The following FAM149B1 variants were observed in gnomAD, a reference collection of about 807,000 sequenced individuals.
The protein encoded by FAM149B1 is primary cilium assembly protein FAM149B1.
FAM149B1 carries 56 observed loss-of-function variants against 75.3 expected under a neutral mutation model. The observed-to-expected ratio is 0.74, with a 90% confidence interval of 0.60 to 0.93. FAM149B1 has a LOEUF of 0.93. FAM149B1 is among the 40% of genes least tolerant of loss of function. The pLI, the probability that FAM149B1 is intolerant of heterozygous loss-of-function variation, is 0.00. For synonymous variants in FAM149B1, 259 were observed against 256.1 expected (o/e 1.01, Z -0.11); for missense variants, 639 against 708.4 (o/e 0.90, Z 1.11).
chr10:73,199,257 G>A (rs958856686), intron 5 of FAM149B1, among the ~76,000 whole-genome samples: 4 of 151,660 alleles, frequency 2.6e-5, no homozygotes, highest in African/African-American at 9.7e-5. Flanking sequence ...TCGCTCTGTC[G>A]CCCAGGCTGG....
chr10:73,215,106 T>C (rs1410031269), intron 7 of FAM149B1, among the ~76,000 whole-genome samples: 3 of 152,042 alleles, frequency 2.0e-5, no homozygotes, highest in African/African-American at 4.8e-5. Context: ...TCTGCGCCTC[T>C]GCCTCCCAGG....
rs1194411624 is a variant in FAM149B1 at position 73,230,420 on chromosome 10, A to C, written c.1024-2A>C. On this transcript the variant is annotated splice_acceptor_variant, in intron 8 of 13. Coordinates refer to ENST00000242505, the MANE Select transcript of FAM149B1 (RefSeq NM_173348.2). LOFTEE classifies it high-confidence loss of function. Reference sequence around the variant, plus strand: ...AGAGTACTGTCTTCTTTCAACACGTAGATGAGTCTCTGTCAAGCAAGCAGA... The same window carrying C: ...AGAGTACTGTCTTCTTTCAACACGTCGATGAGTCTCTGTCAAGCAAGCAGA... The C allele has an allele frequency of 6.6e-7, 1 of 1,508,374 alleles. No individual in the cohort carries two copies. The highest frequency in any genetic ancestry group is 9.0e-7 in the Non-Finnish European group (1 of 1,107,434). 93.4% of individuals were successfully genotyped at this position (1,508,374 alleles called of 1,614,324 possible).
Position 73,228,155 on chromosome 10 carries a change from T to A in FAM149B1, c.994T>A (p.Ser332Thr). 6.4e-7 allele frequency: 1 copy of A among 1,551,556 alleles called. No individual in the cohort carries two copies. Among genetic ancestry groups the A allele is most frequent in the Non-Finnish European group, 8.7e-7 (1 of 1,146,954 alleles). Residue 332 changes from serine to threonine, a missense_variant, in exon 8 of 14, where the codon TCT (serine) becomes ACT (threonine). Physicochemically the swap from Ser to Thr is moderately conservative, Grantham distance 58. Transcript: ENST00000242505. ...HPLVLPRVPQ[S>T]KVLYITSNPM... ...TTTGGTGTTACCGCGAGTGCCACAG[T>A]CTAAGGTGCTGTACATTACCTCAAA...
chr10:73,216,203 A>G (rs1027473169), intron 7 of FAM149B1, among the ~76,000 whole-genome samples: 8 of 152,320 alleles, frequency 5.3e-5, no homozygotes, highest in Admixed American at 1.3e-4. Context: ...TTCATCTGCT[A>G]TAAGTGTAGC....
rs2043895812 is a variant in FAM149B1 at position 73,239,495 on chromosome 10, A to G, written c.1675+111A>G. On this transcript the variant is annotated intron_variant, in intron 13 of 13. Transcript: ENST00000242505. Reference sequence around the variant, plus strand: ...CTTCTTTCAGATTTTCTTGGATTTAATGTTTTCCCACATCTTTGTAAATCA... The same window carrying G: ...CTTCTTTCAGATTTTCTTGGATTTAGTGTTTTCCCACATCTTTGTAAATCA... 5.2e-6 allele frequency: 4 copies of G among 770,690 alleles called. No individual in the cohort carries two copies. In the East Asian group the frequency reaches 1.1e-4, roughly 21 times the overall value. The allele number at this position is 770,690 out of a possible 1,614,324, so 47.7% of individuals were successfully genotyped here. A position where few individuals can be genotyped will look rare whatever the true frequency, so the allele number is the denominator to read the frequency against.
At chr10:73,230,637 T>C (rs1399808192) in intron 9 of FAM149B1, 112 bp downstream of exon 9, 14 of 641,608 alleles carry the variant, frequency 2.2e-5, no homozygotes, top group Admixed American at 7.0e-5. Context: ...CCACAAAAAC[T>C]CCTGGGGAGT....
intron 13 of FAM149B1, among the ~76,000 whole-genome samples, chr10:73,240,017 G>A (rs963175321): frequency 4.6e-5 from 7 of 152,072 alleles, no homozygotes; most frequent in African/African-American, 9.7e-5. Context: ...CTCGAACTCC[G>A]GGGCTCAAGG....
At chr10:73,212,636 G>A (rs546925849) in intron 7 of FAM149B1, among the ~76,000 whole-genome samples, 6 of 152,190 alleles carry the variant, frequency 3.9e-5, no homozygotes, top group African/African-American at 1.2e-4. Context: ...TGGGACTGCT[G>A]GATCAAATGG....
chr10:73,231,831 C>A (rs896135735), intron 9 of FAM149B1, among the ~76,000 whole-genome samples: 3 of 149,476 alleles, frequency 2.0e-5, no homozygotes, highest in Non-Finnish European at 4.4e-5. Context: ...CTAGAGAAGA[C>A]AATCAAATCC....
rs141038252 is a variant in FAM149B1, at chr10:73,243,440, C to G, written c.*2421C>G. Reference sequence around the variant, plus strand: ...CTTGAGAGCAGATTTTTTCCCTCCTCCTTTGGAAGATTTGCAGTACTTTGC... The same window carrying G: ...CTTGAGAGCAGATTTTTTCCCTCCTGCTTTGGAAGATTTGCAGTACTTTGC... On this transcript the variant is annotated 3_prime_UTR_variant, in exon 14 of 14. Transcript: ENST00000242505. The G allele has an allele frequency of 3.2e-4, 517 of 1,613,970 alleles. 4 individuals are homozygous for G. In the African/African-American group the frequency reaches 6.0e-3, roughly 19 times the overall value.
intron 5 of FAM149B1, among the ~76,000 whole-genome samples, chr10:73,198,227 A>G (rs2042853394): frequency 6.6e-6 from 1 of 152,242 alleles, no homozygotes; most frequent in South Asian, 2.1e-4. Flanking sequence ...AAAGACCTAA[A>G]TGTAAGATGT....
chr10:73,213,194 T>C (rs1270719011), intron 7 of FAM149B1, among the ~76,000 whole-genome samples: 1 of 152,206 alleles, frequency 6.6e-6, no homozygotes, highest in Admixed American at 6.5e-5. Context: ...TATTGTTTTC[T>C]TATTGGGTTG....
chr10:73,237,374 A>C (rs2043844304), intron 12 of FAM149B1, among the ~76,000 whole-genome samples: 1 of 152,136 alleles, frequency 6.6e-6, no homozygotes, highest in South Asian at 2.1e-4. Flanking sequence ...CAGGACATTT[A>C]TTAAGTAGTA....
At chr10:73,207,920 T>G (rs1206270437) in intron 5 of FAM149B1, among the ~76,000 whole-genome samples, 1 of 152,268 alleles carries the variant, frequency 6.6e-6, no homozygotes, top group Non-Finnish European at 1.5e-5. Context: ...GACTTTGGAC[T>G]TTTGAATTAA....
intron 12 of FAM149B1, among the ~76,000 whole-genome samples, chr10:73,236,339 C>T (rs145709275): frequency 2.8e-4 from 42 of 151,874 alleles, no homozygotes; most frequent in African/African-American, 9.2e-4. Context: ...CTTTTTGTCT[C>T]TTCCTGGATT....
In FAM149B1 at chr10:73,241,085, C is replaced by G; in HGVS notation, c.*66C>G. ...ATTTCATGAAGCAGTATTCAGTCAT[C>G]AAGTGATGCAGAGCTTGTATAGAAG... is the stretch of plus-strand genomic sequence containing the variant. On this transcript the variant is annotated 3_prime_UTR_variant, in exon 14 of 14. Transcript: ENST00000242505. 1.1e-6 allele frequency: 1 copy of G among 886,818 alleles called. No individual in the cohort carries two copies. The highest frequency in any genetic ancestry group is 1.4e-5 in the South Asian group (1 of 70,582). The allele number at this position is 886,818 out of a possible 1,614,324, so 54.9% of individuals were successfully genotyped here.
chr10:73,181,009 C>CG (rs1441962919), intron 3 of FAM149B1, among the ~76,000 whole-genome samples: 1 of 137,724 alleles, frequency 7.3e-6, no homozygotes, highest in East Asian at 2.1e-4. Context: ...TTTTCTAGTT[C>CG]TTTTTTTTTT....
intron 3 of FAM149B1, chr10:73,183,697 A>C (rs2042454583): frequency 6.6e-6 from 1 of 152,244 alleles, no homozygotes; most frequent in African/African-American, 2.4e-5. Flanking sequence ...GGTGAGGTGC[A>C]ACTGTTTAAA....
rs185643888 is a variant in FAM149B1 at position 73,215,779 on chromosome 10, A to G, written c.898+5341A>G. On this transcript the variant is annotated intron_variant, in intron 7 of 13. Transcript: ENST00000242505. ...CCACTGTGGTCTGAGAAGATACTTG[A>G]TATGATTTCACTTTTAAAACATTTG... 3.4e-3 allele frequency among the ~76,000 whole-genome samples: 517 copies of G among 152,218 alleles called. 2 individuals are homozygous for G. The Middle Eastern group carries it at 0.041, about 12-fold the overall frequency.
Sources: allele counts gnomAD v4.1 joint callset (sites outside exome capture counted in the v4.1 genomes callset), GRCh38; gene constraint gnomAD v4.1.1; transcripts MANE v1.5; gene names NCBI Gene and HGNC (gene_info 2026-07-23, HGNC 2026-07-21).